Variants in CAMSAP3 observed in about 807,000 individuals in gnomAD.
The protein encoded by CAMSAP3 is calmodulin regulated spectrin associated protein family member 3.
CAMSAP3 carries 34 observed loss-of-function variants against 112.5 expected under a neutral mutation model. That is an observed-to-expected ratio of 0.30 (90% CI 0.23 to 0.40). CAMSAP3 has a LOEUF of 0.40. Ranked by LOEUF, CAMSAP3 falls within the 10% of genes least tolerant of loss-of-function variation. CAMSAP3 has a pLI of 1.00. For synonymous variants in CAMSAP3, 868 were observed against 799.8 expected, an observed-to-expected ratio of 1.09 and a Z score of -1.44; for missense variants, 1,602 against 1,770.3, an observed-to-expected ratio of 0.90 and a Z score of 1.71.
At position 7,611,609 on chromosome 19, in the gene CAMSAP3, G is replaced by A; in HGVS notation, c.1193+23G>A. 1 of 1,608,584 alleles carries A rather than the reference G, an allele frequency of 6.2e-7. No homozygotes were observed. The highest frequency in any genetic ancestry group is 8.5e-7 in the Non-Finnish European group (1 of 1,177,846). On this transcript the variant is annotated intron_variant, in intron 10 of 16. Transcript: ENST00000160298. The surrounding 1 kb of genome is among the most constrained non-coding windows in gnomAD (Gnocchi z 6.9). ...CAGGTGAGTAGACCTCACAGGCCAGGGTAGGGGGTGGAGCAGGCTAGGGCG... is the reference window on the plus strand; with the variant it reads ...CAGGTGAGTAGACCTCACAGGCCAGAGTAGGGGGTGGAGCAGGCTAGGGCG...
At position 7,596,029 on chromosome 19, in the gene CAMSAP3, C is replaced by T. The variant is rs1365332285; in HGVS notation, c.27C>T (p.Pro9=). The change falls in exon 1 of 17, where the codon CCC becomes CCT. Residue 9 remains proline (P), a synonymous_variant. Coordinates refer to ENST00000160298, the MANE Select transcript of CAMSAP3 (RefSeq NM_020902.2). ...TGGTGGAGGCGGCGCCCCCCGGGCC[C>T]GGGCCGCTGCGGAGGACCTTTCTAG... MVEAAPPG[P]GPLRRTFLVP... is the part of the protein sequence containing the mutation. 2.5e-6 allele frequency: 3 copies of T among 1,214,054 alleles called. No individual in the cohort carries two copies. Among genetic ancestry groups the T allele is most frequent in the Non-Finnish European group, 3.2e-6 (3 of 950,322 alleles). The allele number at this position is 1,214,054 out of a possible 1,614,324, so 75.2% of individuals were successfully genotyped here. A position where few individuals can be genotyped will look rare whatever the true frequency, so the allele number is the denominator to read the frequency against.
chr19:7,599,527 C>T (rs111219948), intron 1 of CAMSAP3, among the ~76,000 whole-genome samples: 9,725 of 60,074 alleles, frequency 0.16, 1,196 homozygotes, highest in South Asian at 0.28. Context: ...TCCACCCACT[C>T]ATCCATCCTT....
At position 7,618,052 on chromosome 19, in the gene CAMSAP3, A is replaced by C; in HGVS notation, c.3745A>C (p.Lys1249Gln). ...TTPKKGGGTP[K>Q] ...TCCCAAGAAGGGCGGCGGCACCCCC[A>C]AATAGCCCCACCCGGGCGGTCCACG... Residue 1249 changes from lysine to glutamine, a missense_variant, in exon 17 of 17, where the codon AAA (lysine) becomes CAA (glutamine). Lys to Gln is a moderately conservative substitution (Grantham distance 53). Around this residue, in one of 6 missense-constraint regions of CAMSAP3, gnomAD observed 150 missense variants for 207.6 expected, o/e 0.72. Transcript: ENST00000160298. 6.2e-7 allele frequency: 1 copy of C among 1,611,218 alleles called. No homozygotes were observed. Among genetic ancestry groups the C allele is most frequent in the East Asian group, 2.2e-5 (1 of 44,832 alleles).
At position 7,612,686 on chromosome 19, in the gene CAMSAP3, C is replaced by A. The variant is rs1343700273; in HGVS notation, c.2193C>A (p.Pro731=). The A allele has an allele frequency of 6.6e-7, 1 of 1,512,738 alleles. No individual in the cohort carries two copies. The highest frequency in any genetic ancestry group is 8.8e-7 in the Non-Finnish European group (1 of 1,133,030). The allele number at this position is 1,512,738 out of a possible 1,614,324, so 93.7% of individuals were successfully genotyped here. ...TDQQQRLLAP[P]EAPGSAPPPA... is the part of the protein sequence containing the mutation. ...AGCAGCAGCGGCTCCTGGCCCCGCC[C>A]GAGGCCCCCGGATCCGCCCCACCAC... is the stretch of plus-strand genomic sequence containing the variant. Residue 731 remains proline (P), a synonymous_variant, in exon 11 of 17, where the codon CCC becomes CCA. Transcript: ENST00000160298.
At chr19:7,602,423 A>G (rs946931389) in intron 1 of CAMSAP3, among the ~76,000 whole-genome samples, 8 of 152,262 alleles carry the variant, frequency 5.3e-5, no homozygotes, top group African/African-American at 1.9e-4. Flanking sequence ...AGGCCCTGAA[A>G]AGTCCTGTAG....
In CAMSAP3 at chr19:7,617,407, C is replaced by G. The variant is rs769918571; in HGVS notation, c.3294C>G (p.Ala1098=). The change falls in exon 15 of 17, where the codon GCC becomes GCG. Residue 1098 remains alanine (A), a synonymous_variant. Transcript: ENST00000160298. The surrounding 1 kb of genome is among the most constrained non-coding windows in gnomAD (Gnocchi z 7.5). The part of the protein sequence containing the change: ...RERDWENGSN[A]SSPASVPEYT... ...GGGACTGGGAAAATGGCAGCAATGC[C>G]TCCTCCCCAGCGTCAGTGCCCGAGT... 1.9e-6 allele frequency: 3 copies of G among 1,614,072 alleles called. 1 individual carries two copies. Among genetic ancestry groups the G allele is most frequent in the South Asian group, 2.2e-5 (2 of 91,086 alleles).
Position 7,617,631 on chromosome 19 carries a change from G to A in CAMSAP3, c.3414G>A (p.Val1138=), listed in dbSNP as rs1047184061. The A allele has an allele frequency of 3.1e-6, 5 of 1,614,042 alleles. No homozygotes were observed. Among genetic ancestry groups the A allele is most frequent in the African/African-American group, 2.7e-5 (2 of 74,936 alleles). The change falls in exon 16 of 17, where the codon GTG becomes GTA. Residue 1138 remains valine (V), a synonymous_variant. Transcript: ENST00000160298. The surrounding 1 kb of genome is among the most constrained non-coding windows in gnomAD (Gnocchi z 7.5). Reference sequence around the variant, plus strand: ...CACACTGCTGCCTGGCGGGCAAGGTGAACGAACCGCAGAAGAATCGCATTC... The same window carrying A: ...CACACTGCTGCCTGGCGGGCAAGGTAAACGAACCGCAGAAGAATCGCATTC... ...ALSHCCLAGK[V]NEPQKNRILE... is the part of the protein sequence containing the mutation.
At position 7,613,156 on chromosome 19, in the gene CAMSAP3, T is replaced by C. The variant is rs2030601054; in HGVS notation, c.2663T>C (p.Phe888Ser). ...EGEPRVGLGF[F>S]YKDEDKPEDE... ...GAGCCCCGGGTGGGGCTGGGGTTCT[T>C]CTACAAGGTGAGTCCCCGAGCAGGT... is the stretch of plus-strand genomic sequence containing the variant. Residue 888 changes from phenylalanine (F) to serine (S), a missense_variant, in exon 11 of 17, where the codon TTC (phenylalanine) becomes TCC (serine). Physicochemically the swap from Phe to Ser is radical, Grantham distance 155 (BLOSUM62 -2). Transcript: ENST00000160298. 1 of 1,484,650 alleles carries C rather than the reference T, an allele frequency of 6.7e-7. No individual in the cohort carries two copies. 92.0% of individuals were successfully genotyped at this position (1,484,650 alleles called of 1,614,324 possible). A position where few individuals can be genotyped will look rare whatever the true frequency, so the allele number is the denominator to read the frequency against.
In CAMSAP3 at chr19:7,618,062, A is replaced by C. The variant is rs1599367886; in HGVS notation, c.*5A>C. The C allele has an allele frequency of 1.2e-6, 2 of 1,607,542 alleles. No individual in the cohort carries two copies. On this transcript the variant is annotated 3_prime_UTR_variant, in exon 17 of 17. Coordinates refer to ENST00000160298, the MANE Select transcript of CAMSAP3 (RefSeq NM_020902.2). ...GGCGGCGGCACCCCCAAATAGCCCC[A>C]CCCGGGCGGTCCACGGGCCGGGCCC... is the stretch of plus-strand genomic sequence containing the variant.
rs910313410 is a variant in CAMSAP3, at chr19:7,596,212, G to A, written c.148+62G>A. 6.5e-5 allele frequency: 37 copies of A among 566,128 alleles called. No individual in the cohort carries two copies. In the African/African-American group the frequency reaches 7.1e-4, roughly 11 times the overall value. The allele number at this position is 566,128 out of a possible 1,614,324, so 35.1% of individuals were successfully genotyped here. ...GGCCGGGCGCGGCAGGTGCTGGGGG[G>A]GGGCGGGGCGCCGGGCCGGGAAGGC... On this transcript the variant is annotated intron_variant, in intron 1 of 16. Coordinates refer to ENST00000160298, the MANE Select transcript of CAMSAP3 (RefSeq NM_020902.2).
chr19:7,610,388 G>A lies in CAMSAP3; in HGVS notation c.761-88G>A, dbSNP rs1001794214. The A allele has an allele frequency of 4.2e-5, 52 of 1,239,090 alleles. No individual in the cohort carries two copies. The East Asian group carries it at 7.8e-4, about 18-fold the overall frequency. 76.8% of individuals were successfully genotyped at this position (1,239,090 alleles called of 1,614,324 possible). On this transcript the variant is annotated intron_variant, in intron 5 of 16. Transcript: ENST00000160298. The surrounding 1 kb of genome is among the most constrained non-coding windows in gnomAD (Gnocchi z 4.9). The stretch of plus-strand genomic sequence containing the variant: ...AAGCTGGGCTCATAGGAGGTCTTCC[G>A]TGTGTGGGGGACTGCTGGTCCCTGG...
In CAMSAP3 at chr19:7,612,580, TG is replaced by T; in HGVS notation, c.2092del (p.Glu698AsnfsTer9). 6.5e-7 allele frequency: 1 copy of T among 1,533,958 alleles called. No individual in the cohort carries two copies. Among genetic ancestry groups the T allele is most frequent in the Non-Finnish European group, 8.7e-7 (1 of 1,145,016 alleles). ...PDLGPVPHEG[L>X]GEYNRAVSKL... ...CTGGGCCCGGTGCCCCACGAGGGGC[TG>T]GGGGAATACAATCGAGCGGTCAGCA... On this transcript the variant is annotated frameshift_variant, in exon 11 of 17. Transcript: ENST00000160298. LOFTEE classifies it high-confidence loss of function.
chr19:7,603,322 C>G (rs1367084359), intron 1 of CAMSAP3, among the ~76,000 whole-genome samples: 1 of 151,350 alleles, frequency 6.6e-6, no homozygotes, highest in Non-Finnish European at 1.5e-5. Flanking sequence ...TTAAGCGATT[C>G]TCCGGCCTCG....
At chr19:7,608,633 C>CTTT (rs1012617941) in intron 5 of CAMSAP3, among the ~76,000 whole-genome samples, 4 of 131,652 alleles carry the variant, frequency 3.0e-5, no homozygotes, top group Admixed American at 8.1e-5. Flanking sequence ...TCCAAAAGTA[C>CTTT]TTTTTTTTTT....
At position 7,615,834 on chromosome 19, in the gene CAMSAP3, G is replaced by C; in HGVS notation, c.3112+115G>C. 1 of 651,022 alleles carries C rather than the reference G, an allele frequency of 1.5e-6. No homozygotes were observed. Among genetic ancestry groups the C allele is most frequent in the Non-Finnish European group, 2.2e-6 (1 of 458,304 alleles). 40.3% of individuals were successfully genotyped at this position (651,022 alleles called of 1,614,324 possible). The stretch of plus-strand genomic sequence containing the variant: ...AGATGTAAGCAGGGGTGCCGGGAGG[G>C]GGCGGGTATGTGGGGTGACAGGGGG... On this transcript the variant is annotated intron_variant, in intron 13 of 16. Coordinates refer to ENST00000160298, the MANE Select transcript of CAMSAP3 (RefSeq NM_020902.2). This position sits in a 1 kb window ranked among gnomAD's most constrained non-coding sequence, Gnocchi z 6.5.
intron 1 of CAMSAP3, among the ~76,000 whole-genome samples, chr19:7,602,827 C>T (rs2030027960): frequency 6.7e-6 from 1 of 150,164 alleles, no homozygotes; most frequent in Admixed American, 6.6e-5. Context: ...GCACAGAGCC[C>T]AGGCGAGATA....
At position 7,610,400 on chromosome 19, in the gene CAMSAP3, C is replaced by A; in HGVS notation, c.761-76C>A. 1 of 1,395,340 alleles carries A rather than the reference C, an allele frequency of 7.2e-7. No individual in the cohort carries two copies. Among genetic ancestry groups the A allele is most frequent in the Non-Finnish European group, 9.8e-7 (1 of 1,017,116 alleles). 86.4% of individuals were successfully genotyped at this position (1,395,340 alleles called of 1,614,324 possible). A position where few individuals can be genotyped will look rare whatever the true frequency, so the allele number is the denominator to read the frequency against. ...TAGGAGGTCTTCCGTGTGTGGGGGACTGCTGGTCCCTGGCTTCCCTGGGGC... is the reference window on the plus strand; with the variant it reads ...TAGGAGGTCTTCCGTGTGTGGGGGAATGCTGGTCCCTGGCTTCCCTGGGGC... On this transcript the variant is annotated intron_variant, in intron 5 of 16. Transcript: ENST00000160298. This position sits in a 1 kb window ranked among gnomAD's most constrained non-coding sequence, Gnocchi z 4.9.
At position 7,611,764 on chromosome 19, in the gene CAMSAP3, C is replaced by T. The variant is rs572177369; in HGVS notation, c.1271C>T (p.Pro424Leu). 1.3e-6 allele frequency: 2 copies of T among 1,591,640 alleles called. No homozygotes were observed. The highest frequency in any genetic ancestry group is 8.6e-7 in the Non-Finnish European group (1 of 1,168,694). ...GACGTGGATGTCGTCATGGGAGACC[C>T]TGTGCTCCTCCGCTCTGTGAGCTCG... is the stretch of plus-strand genomic sequence containing the variant. ...DSDVDVVMGD[P>L]VLLRSVSSDS... Residue 424 changes from proline (P) to leucine (L), a missense_variant, in exon 11 of 17, where the codon CCT becomes CTT. This residue lies in a region of CAMSAP3 where 1,100 missense variants were observed against 1,135.7 expected (regional missense o/e 0.97). Transcript: ENST00000160298. This position sits in a 1 kb window ranked among gnomAD's most constrained non-coding sequence, Gnocchi z 6.9.
In CAMSAP3 at chr19:7,595,901, A is replaced by C; in HGVS notation, c.-102A>C. 2.1e-6 allele frequency: 1 copy of C among 470,554 alleles called. No homozygotes were observed. Among genetic ancestry groups the C allele is most frequent in the East Asian group, 1.5e-4 (1 of 6,472 alleles). The allele number at this position is 470,554 out of a possible 1,614,324, so 29.1% of individuals were successfully genotyped here. On this transcript the variant is annotated 5_prime_UTR_variant, in exon 1 of 17. Transcript: ENST00000160298. ...CAGCGGCGGCGGCGGCGGCGGCGGC[A>C]GCGGCGGTAGCAGCAGCGGGCCCGG...
Sources: allele counts gnomAD v4.1 joint callset (sites outside exome capture counted in the v4.1 genomes callset), GRCh38; gene constraint gnomAD v4.1.1; regional missense constraint gnomAD v4.1.1; non-coding constraint Gnocchi (gnomAD v3.1); transcripts MANE v1.5; gene names NCBI Gene and HGNC (gene_info 2026-07-23, HGNC 2026-07-21).